AGBL4: variants seen among roughly 807,000 people sequenced by gnomAD.
AGBL4 encodes the protein AGBL carboxypeptidase 4.
AGBL4 carries 58 observed loss-of-function variants against 66.4 expected under a neutral mutation model. The observed-to-expected ratio is 0.87, with a 90% CI of 0.71 to 1.09. AGBL4 has a LOEUF of 1.09. Among genes scored for constraint, AGBL4 ranks in the 50% least tolerant of loss-of-function variants. The probability of loss-of-function intolerance (pLI) is 0.00; values close to 1 mark genes in which losing one functional copy is unlikely to be tolerated. For missense variants in AGBL4, 579 were observed against 631.0 expected (o/e 0.92, Z 0.88); for synonymous variants, 234 against 222.9 (o/e 1.05, Z -0.44).
chr1:49,392,427 T>C (rs963444659), intron 3 of AGBL4, among the ~76,000 whole-genome samples: 1 of 152,188 alleles, frequency 6.6e-6, no homozygotes, highest in African/African-American at 2.4e-5. Context: ...TTTTGCTACA[T>C]GGTTATGAGT....
At chr1:49,845,562 C>T in intron 2 of AGBL4, 1 of 1,600,238 alleles carries the variant, frequency 6.2e-7, no homozygotes, top group Middle Eastern at 1.7e-4. Context: ...AGCAAATCCA[C>T]ACAGGGGAGA....
At chr1:49,080,128 T>G (rs537643500) in intron 4 of AGBL4, among the ~76,000 whole-genome samples, 25 of 152,178 alleles carry the variant, frequency 1.6e-4, no homozygotes, top group Admixed American at 5.9e-4. Context: ...CAGAGGAAAT[T>G]TCTCAATTTT....
intron 1 of AGBL4, among the ~76,000 whole-genome samples, chr1:49,979,655 C>G (rs1658898626): frequency 1.3e-5 from 2 of 152,164 alleles, no homozygotes; most frequent in Admixed American, 6.5e-5. Context: ...TTGCAAATAT[C>G]TGCTTAAAAC....
intron 5 of AGBL4, among the ~76,000 whole-genome samples, chr1:48,899,297 T>C (rs564554605): frequency 1.3e-5 from 2 of 152,378 alleles, no homozygotes; most frequent in South Asian, 4.1e-4. Context: ...TCTAGGCCTG[T>C]CCAACTTCTC....
At chr1:48,714,616 G>T (rs1281461903) in intron 6 of AGBL4, among the ~76,000 whole-genome samples, 1 of 151,938 alleles carries the variant, frequency 6.6e-6, no homozygotes, top group Non-Finnish European at 1.5e-5. Flanking sequence ...CATCATCTAC[G>T]ATTCCACCAG....
At chr1:48,759,072 C>T in intron 6 of AGBL4, 1 of 1,612,920 alleles carries the variant, frequency 6.2e-7, no homozygotes, top group African/African-American at 1.3e-5. Context: ...CCTGTTGCTG[C>T]TGGTAGTTGC....
intron 3 of AGBL4, among the ~76,000 whole-genome samples, chr1:49,575,985 T>G (rs1644428435): frequency 6.6e-6 from 1 of 152,210 alleles, no homozygotes; most frequent in Admixed American, 6.5e-5. Flanking sequence ...CACACTGGAC[T>G]TATTGGTGAG....
chr1:48,739,468 T>TA (rs543395719), intron 6 of AGBL4, among the ~76,000 whole-genome samples: 58 of 152,044 alleles, frequency 3.8e-4, no homozygotes, highest in African/African-American at 1.4e-3. Flanking sequence ...TTCATCTACA[T>TA]AGTCCATCTA....
rs148189802 is a variant in AGBL4 at position 49,740,268 on chromosome 1, G to T, written c.158-42831C>A. On this transcript the variant is annotated intron_variant, in intron 2 of 13. Coordinates refer to ENST00000371839, the MANE Select transcript of AGBL4 (RefSeq NM_032785.4). ...TGCAATCCTAGTCTCTGATAAAACA[G>T]ACTTTAAACCAACAAAGATCAAAAG... Among the ~76,000 whole-genome samples, 1,024 of 152,172 alleles carry T rather than the reference G, an allele frequency of 6.7e-3. 8 individuals carry two copies. Among genetic ancestry groups the T allele is most frequent in the South Asian group, 0.029 (141 of 4,824 alleles).
rs539588648 is a variant in AGBL4, at chr1:49,315,549, A to G, written c.283-69685T>C. Among the ~76,000 whole-genome samples, 4 of 152,286 alleles carry G rather than the reference A, an allele frequency of 2.6e-5. No individual in the cohort carries two copies. In the East Asian group the frequency reaches 7.7e-4, roughly 29 times the overall value. On this transcript the variant is annotated intron_variant, in intron 3 of 13. Coordinates refer to ENST00000371839, the MANE Select transcript of AGBL4 (RefSeq NM_032785.4). ...CAAAGAACTTAAACAAATTTACAAG[A>G]AAAAAACAACCCCATCAAAAAGTGC...
intron 2 of AGBL4, among the ~76,000 whole-genome samples, chr1:49,837,116 G>T (rs1217389327): frequency 2.0e-5 from 3 of 152,212 alleles, no homozygotes; most frequent in Non-Finnish European, 4.4e-5. Context: ...TTCAGAGCCT[G>T]CAAGCAGGAA....
chr1:48,941,901 C>T (rs1191334743), intron 5 of AGBL4, among the ~76,000 whole-genome samples: 2 of 152,134 alleles, frequency 1.3e-5, no homozygotes, highest in African/African-American at 4.8e-5. Flanking sequence ...AAGTCAGGAC[C>T]TCTTATGAGG....
At chr1:48,751,478 G>A (rs1362968094) in intron 6 of AGBL4, among the ~76,000 whole-genome samples, 1 of 152,208 alleles carries the variant, frequency 6.6e-6, no homozygotes, top group Non-Finnish European at 1.5e-5. Flanking sequence ...TTTCCTGGGT[G>A]TGTGGCCTCA....
At chr1:49,763,524 A>T (rs575169884) in intron 2 of AGBL4, among the ~76,000 whole-genome samples, 2 of 152,348 alleles carry the variant, frequency 1.3e-5, no homozygotes, top group South Asian at 4.1e-4. Flanking sequence ...GGGATTCACT[A>T]AGAAAGTGAT....
intron 3 of AGBL4, among the ~76,000 whole-genome samples, chr1:49,407,482 C>T (rs868840641): frequency 6.6e-6 from 1 of 152,144 alleles, no homozygotes; most frequent in African/African-American, 2.4e-5. Flanking sequence ...TGAGCCAATT[C>T]CTCATAATAA....
chr1:49,735,360 T>G (rs567688514), intron 2 of AGBL4, among the ~76,000 whole-genome samples: 7 of 150,166 alleles, frequency 4.7e-5, no homozygotes, highest in African/African-American at 9.8e-5. Flanking sequence ...GATTTTAAGA[T>G]GCTATTCTTG....
chr1:49,546,373 T>C (rs1348973214), intron 3 of AGBL4, among the ~76,000 whole-genome samples: 3 of 151,462 alleles, frequency 2.0e-5, no homozygotes, highest in African/African-American at 4.8e-5. Flanking sequence ...CATCATTATA[T>C]ATATACATAT....
At chr1:49,118,545 A>C (rs1211488312) in intron 4 of AGBL4, among the ~76,000 whole-genome samples, 1 of 152,222 alleles carries the variant, frequency 6.6e-6, no homozygotes, top group African/African-American at 2.4e-5. Context: ...CCAGGGATGA[A>C]GCTGACTTGA....
intron 4 of AGBL4, among the ~76,000 whole-genome samples, chr1:49,160,197 C>A (rs867871303): frequency 6.6e-6 from 1 of 152,116 alleles, no homozygotes; most frequent in Non-Finnish European, 1.5e-5. Context: ...CCCTTCTTCA[C>A]GGATTTATCT....
Sources: allele counts gnomAD v4.1 joint callset (sites outside exome capture counted in the v4.1 genomes callset), GRCh38; gene constraint gnomAD v4.1.1; transcripts MANE v1.5; gene names NCBI Gene and HGNC (gene_info 2026-07-23, HGNC 2026-07-21).